Variants in TFEC observed in about 807,000 individuals in gnomAD.
TFEC encodes the protein transcription factor EC.
A neutral mutation model predicts 41.6 loss-of-function variants in TFEC; 31 were observed. The observed-to-expected ratio is 0.74, with a 90% CI of 0.56 to 1.01. TFEC has a LOEUF of 1.01. Among genes scored for constraint, TFEC ranks in the 50% least tolerant of loss-of-function variants. TFEC has a pLI of 0.00. For missense variants in TFEC, 402 were observed against 404.1 expected, an observed-to-expected ratio of 0.99 and a Z score of 0.04; for synonymous variants, 143 against 140.6, an observed-to-expected ratio of 1.02 and a Z score of -0.12.
rs962864826 is a variant in TFEC at position 116,143,823 on chromosome 7, G to A, written c.-69+15967C>T. On this transcript the variant is annotated intron_variant, in intron 1 of 8. Transcript: ENST00000484212. ...TTAGTACAGGTTTATGGGGAGAAGGGAAATCACAGAAGAGACTAGAGATGA... is the reference window on the plus strand; with the variant it reads ...TTAGTACAGGTTTATGGGGAGAAGGAAAATCACAGAAGAGACTAGAGATGA... 5.9e-5 allele frequency among the ~76,000 whole-genome samples: 9 copies of A among 152,166 alleles called. 1 individual carries two copies. Among genetic ancestry groups the A allele is most frequent in the African/African-American group, 1.7e-4 (7 of 41,446 alleles).
intron 1 of TFEC, among the ~76,000 whole-genome samples, chr7:116,001,200 A>G (rs1416303896): frequency 1.3e-5 from 2 of 152,202 alleles, no homozygotes; most frequent in Non-Finnish European, 2.9e-5. Context: ...TATTGGGGAA[A>G]TGACAGTCTC....
At chr7:116,141,386 G>C (rs1210889769) in intron 1 of TFEC, among the ~76,000 whole-genome samples, 1 of 152,038 alleles carries the variant, frequency 6.6e-6, no homozygotes, top group African/African-American at 2.4e-5. Flanking sequence ...AGTGAAAAAA[G>C]TTTCTGTTAC....
At chr7:116,072,689 T>A (rs185537133) in intron 3 of TFEC, among the ~76,000 whole-genome samples, 3 of 151,730 alleles carry the variant, frequency 2.0e-5, no homozygotes, top group Admixed American at 1.3e-4. Flanking sequence ...AAGTTTAAAT[T>A]TTTTAAATAT....
chr7:115,988,631 G>A (rs1248395909), intron 1 of TFEC, among the ~76,000 whole-genome samples: 3 of 152,064 alleles, frequency 2.0e-5, no homozygotes, highest in African/African-American at 4.8e-5. Context: ...CCCAAGGGAA[G>A]AGAAAGGGAG....
At chr7:116,111,125 A>G (rs1797846176) in intron 2 of TFEC, among the ~76,000 whole-genome samples, 1 of 151,544 alleles carries the variant, frequency 6.6e-6, no homozygotes, top group Admixed American at 6.6e-5. Context: ...AAAAAAAAAA[A>G]GATGAGAAGA....
chr7:115,988,396 C>T (rs182657381), intron 1 of TFEC, among the ~76,000 whole-genome samples: 3 of 151,818 alleles, frequency 2.0e-5, no homozygotes, highest in African/African-American at 7.2e-5. Flanking sequence ...AAAAGGAATA[C>T]AAAAATCAAA....
chr7:115,946,145 C>T (rs1291989286), intron 6 of TFEC, among the ~76,000 whole-genome samples: 3 of 151,524 alleles, frequency 2.0e-5, no homozygotes, highest in Non-Finnish European at 4.4e-5. Context: ...TATAAAAACA[C>T]AGGCATATAG....
chr7:116,090,911 G>A (rs188756462), intron 3 of TFEC, among the ~76,000 whole-genome samples: 13 of 147,972 alleles, frequency 8.8e-5, no homozygotes, highest in African/African-American at 2.7e-4. Context: ...AGTTGGAGTT[G>A]AACAATGAGA....
At chr7:116,146,628 T>C (rs1000233224) in intron 1 of TFEC, among the ~76,000 whole-genome samples, 2 of 152,148 alleles carry the variant, frequency 1.3e-5, no homozygotes, top group Admixed American at 6.5e-5. Flanking sequence ...AAACCTTCTA[T>C]AGACAAACTC....
At chr7:115,974,391 T>C (rs1562903608) in intron 2 of TFEC, 135 bp from the exon 3 acceptor site, 1 of 165,560 alleles carries the variant, frequency 6.0e-6, no homozygotes, top group East Asian at 9.6e-5. Context: ...TATACATATA[T>C]ATAAAACCTC....
rs906860488 is a variant in TFEC at position 116,085,440 on chromosome 7, T to C, written c.198+25268A>G. Among the ~76,000 whole-genome samples the C allele has an allele frequency of 9.9e-5, 15 of 151,804 alleles. No homozygotes were observed. In the Admixed American group the frequency reaches 9.9e-4, roughly 10 times the overall value. ...TATGGTAGAGAGAGTTCTTTGCACA[T>C]ACCCATAAAACTTCGCTTAAAATGA... On this transcript the variant is annotated intron_variant, in intron 3 of 8. Coordinates refer to the TFEC transcript ENST00000484212.
At position 115,984,517 on chromosome 7, in the gene TFEC, C is replaced by A. The variant is rs1418853485; in HGVS notation, c.-72-4G>T. ...AACTTTCCAGGTGTGCTGGGACCTACAAGATCAAAATTAAACAAATACAAT... is the reference window on the plus strand; with the variant it reads ...AACTTTCCAGGTGTGCTGGGACCTAAAAGATCAAAATTAAACAAATACAAT... On this transcript the variant is annotated splice_region_variant and splice_polypyrimidine_tract_variant and intron_variant, in intron 1 of 7. Coordinates refer to ENST00000265440, the MANE Select transcript of TFEC (RefSeq NM_012252.4). The A allele has an allele frequency of 6.2e-7, 1 of 1,612,940 alleles. No homozygotes were observed. Among genetic ancestry groups the A allele is most frequent in the African/African-American group, 1.3e-5 (1 of 74,878 alleles).
intron 1 of TFEC, among the ~76,000 whole-genome samples, chr7:116,149,488 A>T (rs1269299894): frequency 1.3e-5 from 2 of 152,190 alleles, no homozygotes; most frequent in Non-Finnish European, 2.9e-5. Context: ...GGATAACCCA[A>T]GGCTTCTATA....
chr7:116,023,038 A>G lies in TFEC; in HGVS notation c.-73+7595T>C, dbSNP rs940507. 5.4e-3 allele frequency among the ~76,000 whole-genome samples: 820 copies of G among 152,210 alleles called. 8 individuals carry two copies. The highest frequency in any genetic ancestry group is 0.013 in the Admixed American group (198 of 15,276). ...TTAAAATCTATTAAGAGCCCGTAAT[A>G]TAACAAATAGCTAATTAACAATAAC... On this transcript the variant is annotated intron_variant, in intron 1 of 7. Coordinates refer to ENST00000265440, the MANE Select transcript of TFEC (RefSeq NM_012252.4).
intron 3 of TFEC, among the ~76,000 whole-genome samples, chr7:116,087,540 T>G (rs1797229354): frequency 6.6e-6 from 1 of 152,034 alleles, no homozygotes; most frequent in African/African-American, 2.4e-5. Flanking sequence ...CATAAGCTGT[T>G]AAGATTACTC....
intron 3 of TFEC, among the ~76,000 whole-genome samples, chr7:116,083,098 T>C (rs1246243701): frequency 2.6e-5 from 4 of 151,984 alleles, no homozygotes; most frequent in South Asian, 4.1e-4. Context: ...TTTTAAGTAC[T>C]ACGAAAATAT....
At chr7:115,956,894 G>T in intron 3 of TFEC, 101 bp from the exon 4 acceptor site, 1 of 654,826 alleles carries the variant, frequency 1.5e-6, no homozygotes, top group Non-Finnish European at 2.2e-6. Flanking sequence ...GTGGCATTTT[G>T]TTAATAATAA....
At chr7:116,020,558 A>G (rs1368622038) in intron 1 of TFEC, among the ~76,000 whole-genome samples, 1 of 152,200 alleles carries the variant, frequency 6.6e-6, no homozygotes. Flanking sequence ...TTTGCTAAAA[A>G]CAATCATAAT....
At chr7:115,987,462 G>A (rs6957582) in intron 1 of TFEC, among the ~76,000 whole-genome samples, 2,597 of 152,242 alleles carry the variant, frequency 0.017, 77 homozygotes, top group African/African-American at 0.059. Context: ...GTGGGATAAA[G>A]TAAATGAAAT....
Sources: allele counts gnomAD v4.1 joint callset (sites outside exome capture counted in the v4.1 genomes callset), GRCh38; gene constraint gnomAD v4.1.1; transcripts MANE v1.5; gene names NCBI Gene and HGNC (gene_info 2026-07-23, HGNC 2026-07-21).